The following C1QTNF3 variants were observed in gnomAD, a reference collection of about 807,000 sequenced individuals.
The protein encoded by C1QTNF3 is complement C1q tumor necrosis factor-related protein 3.
Under a neutral mutation model 32.6 loss-of-function variants are expected in C1QTNF3, and 26 were observed. The observed-to-expected ratio is 0.80, with a 90% CI of 0.58 to 1.11. C1QTNF3 has a LOEUF of 1.11. C1QTNF3 is among the 50% of genes least tolerant of loss of function. C1QTNF3 has a pLI of 0.00. For synonymous variants in C1QTNF3, 155 were observed against 146.0 expected (o/e 1.06, Z -0.44); for missense variants, 362 against 398.2 (o/e 0.91, Z 0.77).
the C1QTNF3 span, among the ~76,000 whole-genome samples, chr5:34,131,840 T>C: frequency 2.0e-5 from 3 of 152,334 alleles, 1 homozygote; most frequent in African/African-American, 7.2e-5. Context: ...ACGAATCTGT[T>C]AACTATTCAT....
At chr5:34,225,140 C>G in the C1QTNF3 span, among the ~76,000 whole-genome samples, 1 of 151,838 alleles carries the variant, frequency 6.6e-6, no homozygotes, top group Non-Finnish European at 1.5e-5. Context: ...CTAAATAGCT[C>G]TGTGGCATAG....
rs1006285234 is a variant in C1QTNF3, at chr5:34,033,577, T to C, written c.416-119A>G. 9.0e-5 allele frequency: 112 copies of C among 1,243,848 alleles called. 1 individual carries two copies. In the South Asian group the frequency reaches 1.3e-3, roughly 14 times the overall value. The allele number at this position is 1,243,848 out of a possible 1,614,324, so 77.1% of individuals were successfully genotyped here. On this transcript the variant is annotated intron_variant, in intron 2 of 5. Transcript: ENST00000382065. ...GGACCATTCAGAATAATCCCAAATA[T>C]AACCAAGGGGTATCATCATCTAAAT...
chr5:34,210,055 T>G, the C1QTNF3 span, among the ~76,000 whole-genome samples: 5 of 152,074 alleles, frequency 3.3e-5, no homozygotes, highest in African/African-American at 9.6e-5. Flanking sequence ...CACAGAGGAA[T>G]GAATTGATTT....
chr5:34,046,850 C>T (rs1290415572), upstream of C1QTNF3, among the ~76,000 whole-genome samples: 3 of 152,172 alleles, frequency 2.0e-5, no homozygotes, highest in Admixed American at 6.5e-5. Flanking sequence ...TAGTAAATTA[C>T]TTAAGTTCAT....
At chr5:34,055,134 T>C in the C1QTNF3 span, among the ~76,000 whole-genome samples, 1 of 152,224 alleles carries the variant, frequency 6.6e-6, no homozygotes, top group Non-Finnish European at 1.5e-5. Flanking sequence ...AATGTCACTA[T>C]TGGTGGAGTC....
chr5:34,159,808 C>A, the C1QTNF3 span, among the ~76,000 whole-genome samples: 1 of 149,256 alleles, frequency 6.7e-6, no homozygotes, highest in Admixed American at 6.7e-5. Context: ...AATTCAGATA[C>A]TAAAAATTTA....
At chr5:34,036,862 G>C (rs1439701232) in intron 1 of C1QTNF3, among the ~76,000 whole-genome samples, 2 of 152,070 alleles carry the variant, frequency 1.3e-5, no homozygotes, top group Non-Finnish European at 2.9e-5. Context: ...TGAGGCAGGA[G>C]AATCACTTGA....
chr5:34,178,103 CTA>C, the C1QTNF3 span, among the ~76,000 whole-genome samples: 159 of 63,070 alleles, frequency 2.5e-3, no homozygotes, highest in Non-Finnish European at 4.0e-3. Flanking sequence ...CTCATCTCTA[CTA>C]AAAAAAAAAA....
At chr5:34,020,982 T>C (rs1754314103) in intron 5 of C1QTNF3, among the ~76,000 whole-genome samples, 2 of 152,246 alleles carry the variant, frequency 1.3e-5, no homozygotes, top group Non-Finnish European at 2.9e-5. Flanking sequence ...ATGACCAGAA[T>C]GATCTTAGAA....
At chr5:34,144,847 A>G in the C1QTNF3 span, among the ~76,000 whole-genome samples, 1 of 152,148 alleles carries the variant, frequency 6.6e-6, no homozygotes, top group East Asian at 1.9e-4. Context: ...CTCAAATATC[A>G]GTAAAAATAA....
At chr5:34,219,871 C>T in the C1QTNF3 span, 1 of 152,016 alleles carries the variant, frequency 6.6e-6, no homozygotes, top group African/African-American at 2.4e-5. Context: ...GACACAGGGG[C>T]TATACTAATA....
the C1QTNF3 span, among the ~76,000 whole-genome samples, chr5:34,084,894 A>G: frequency 7.4e-6 from 1 of 135,836 alleles, no homozygotes; most frequent in African/African-American, 2.8e-5. Flanking sequence ...TTGGTGTTTT[A>G]GTCATTAAGT....
chr5:34,212,253 T>C, the C1QTNF3 span, among the ~76,000 whole-genome samples: 1 of 151,720 alleles, frequency 6.6e-6, no homozygotes, highest in East Asian at 1.9e-4. Flanking sequence ...AAAAATTAAT[T>C]CAAGATGGAT....
At chr5:34,207,403 G>C in the C1QTNF3 span, among the ~76,000 whole-genome samples, 1 of 151,858 alleles carries the variant, frequency 6.6e-6, no homozygotes, top group South Asian at 2.1e-4. Context: ...GCAGCCATTT[G>C]ATTTTCCATC....
At chr5:34,235,227 G>A in the C1QTNF3 span, among the ~76,000 whole-genome samples, 1 of 152,054 alleles carries the variant, frequency 6.6e-6, no homozygotes, top group Non-Finnish European at 1.5e-5. Context: ...AACCTAATCA[G>A]AAAAACCTGA....
chr5:34,241,951 G>GGGAGGGACGGAA, the C1QTNF3 span, among the ~76,000 whole-genome samples: 1 of 90,206 alleles, frequency 1.1e-5, no homozygotes, highest in East Asian at 2.8e-4. Context: ...AAGGGAGGGA[G>GGGAGGGACGGAA]GGAAGGAAGG....
the C1QTNF3 span, among the ~76,000 whole-genome samples, chr5:34,208,308 T>A: frequency 1.3e-5 from 2 of 152,262 alleles, no homozygotes; most frequent in Non-Finnish European, 2.9e-5. Context: ...TGTACTTATA[T>A]TTTCTCCTTT....
At chr5:34,207,185 T>A in the C1QTNF3 span, among the ~76,000 whole-genome samples, 230 of 152,290 alleles carry the variant, frequency 1.5e-3, no homozygotes, top group Non-Finnish European at 2.5e-3. Flanking sequence ...AATTTTTTTT[T>A]CATTGTCGTA....
At chr5:34,033,242 C>T in intron 3 of C1QTNF3, 62 bp downstream of exon 3, 2 of 1,571,768 alleles carry the variant, frequency 1.3e-6, no homozygotes, top group Non-Finnish European at 8.6e-7. Flanking sequence ...CATCCTGATT[C>T]CTGGCCCCTT....
Sources: gnomAD v4.1 joint callset for allele counts (sites outside exome capture counted in the v4.1 genomes callset) on GRCh38, gnomAD v4.1.1 for gene constraint, MANE v1.5 for transcripts, NCBI Gene and HGNC (gene_info 2026-07-23, HGNC 2026-07-21) for gene names.